GSG1L: variants seen among roughly 807,000 people sequenced by gnomAD.
GSG1L encodes GSG1 like.
Under a neutral mutation model 42.1 loss-of-function variants are expected in GSG1L, and 24 were observed. The ratio of observed to expected loss-of-function variants is 0.57; its 90% CI spans 0.41 to 0.80. The LOEUF is 0.80. GSG1L is among the 30% of genes least tolerant of loss of function. The pLI is 0.00. For synonymous variants in GSG1L, 215 were observed against 203.5 expected (o/e 1.06, Z -0.48); for missense variants, 445 against 472.2 (o/e 0.94, Z 0.53).
chr16:27,995,905 C>CACAG (rs1459153911), intron 1 of GSG1L, among the ~76,000 whole-genome samples: 2 of 151,836 alleles, frequency 1.3e-5, no homozygotes, highest in African/African-American at 4.8e-5. Context: ...CACACACACA[C>CACAG]ACACACACAC....
intron 1 of GSG1L, among the ~76,000 whole-genome samples, chr16:28,004,025 C>T (rs896075260): frequency 2.0e-5 from 3 of 152,352 alleles, no homozygotes; most frequent in African/African-American, 7.2e-5. Context: ...GTGAGTGTCA[C>T]GCACCAGCCA....
intron 3 of GSG1L, among the ~76,000 whole-genome samples, chr16:27,883,465 T>C (rs2141023448): frequency 1.3e-5 from 2 of 152,286 alleles, no homozygotes; most frequent in East Asian, 3.9e-4. Flanking sequence ...ATTGGCACAT[T>C]TTGATCTGTG....
chr16:28,063,543 A>C lies in GSG1L; in HGVS notation c.-119T>G. 13 of 440,452 alleles carry C rather than the reference A, an allele frequency of 3.0e-5. No individual in the cohort carries two copies. The highest frequency in any genetic ancestry group is 4.0e-5 in the Non-Finnish European group (13 of 325,120). 27.3% of individuals were successfully genotyped at this position (440,452 alleles called of 1,614,324 possible). A position where few individuals can be genotyped will look rare whatever the true frequency, so the allele number is the denominator to read the frequency against. ...GCGCCCCGGGGCTCGGGTGCCTGAG[A>C]TCGGCGGCGGCGGACGCGGCGCGGG... On this transcript the variant is annotated 5_prime_UTR_variant, in exon 1 of 7. Transcript: ENST00000447459. This position sits in a 1 kb window ranked among gnomAD's most constrained non-coding sequence, Gnocchi z 5.8.
Position 27,896,865 on chromosome 16 carries a change from GTTGCT to G in GSG1L, c.398-12232_398-12228del, listed in dbSNP as rs552272867. On this transcript the variant is annotated intron_variant, in intron 2 of 6. Transcript: ENST00000447459. ...CCGGCTGACACTTTGGTATTTTGTTGTTGCTTTGTTTTGTTTGAGACAGATTCTCG... is the reference window on the plus strand; with the variant it reads ...CCGGCTGACACTTTGGTATTTTGTTGTTGTTTTGTTTGAGACAGATTCTCG... Among the ~76,000 whole-genome samples the G allele has an allele frequency of 1.3e-3, 195 of 152,318 alleles. 1 individual carries two copies. Among genetic ancestry groups the G allele is most frequent in the African/African-American group, 4.4e-3 (184 of 41,576 alleles).
chr16:27,989,427 C>T (rs1041800682), intron 1 of GSG1L, among the ~76,000 whole-genome samples: 1 of 152,108 alleles, frequency 6.6e-6, no homozygotes, highest in Non-Finnish European at 1.5e-5. Flanking sequence ...GAGAGATATA[C>T]TAGGCTTATT....
At chr16:27,874,441 C>CTGTTTTTTT (rs2083860011) in intron 3 of GSG1L, among the ~76,000 whole-genome samples, 1 of 94,428 alleles carries the variant, frequency 1.1e-5, no homozygotes, top group African/African-American at 3.7e-5. Flanking sequence ...ACAGGAGAGC[C>CTGTTTTTTT]TTTTTTTTTT....
At chr16:27,985,681 TA>T (rs536967635) in intron 1 of GSG1L, among the ~76,000 whole-genome samples, 53 of 144,954 alleles carry the variant, frequency 3.7e-4, no homozygotes, top group Middle Eastern at 3.5e-3. Flanking sequence ...CCATCTCTAC[TA>T]AAAAAAAAAA....
intron 3 of GSG1L, among the ~76,000 whole-genome samples, chr16:27,882,439 G>A (rs1342032268): frequency 1.0e-5 from 1 of 98,808 alleles, no homozygotes; most frequent in Non-Finnish European, 2.4e-5. Flanking sequence ...TTGCCTATAT[G>A]GTAAAATCCA....
rs546231498 is a variant in GSG1L at position 28,055,001 on chromosome 16, T to C, written c.349+8075A>G. ...CCCCCGCAGGCCCCCTACTCCTTCC[T>C]CACGTCACTCTCGTAGGTTTCCAGG... On this transcript the variant is annotated intron_variant, in intron 1 of 6. Coordinates refer to ENST00000447459, the MANE Select transcript of GSG1L (RefSeq NM_001109763.2). Among the ~76,000 whole-genome samples, 5 of 152,214 alleles carry C rather than the reference T, an allele frequency of 3.3e-5. No individual in the cohort carries two copies. In the East Asian group the frequency reaches 9.7e-4, roughly 29 times the overall value.
intron 2 of GSG1L, among the ~76,000 whole-genome samples, chr16:27,903,557 C>T (rs1284189704): frequency 2.0e-5 from 3 of 152,332 alleles, no homozygotes; most frequent in African/African-American, 7.2e-5. Context: ...CGCCCACCTA[C>T]CTCCATCAAC....
intron 2 of GSG1L, among the ~76,000 whole-genome samples, chr16:27,959,709 G>C (rs1596654515): frequency 6.6e-6 from 1 of 152,110 alleles, no homozygotes; most frequent in African/African-American, 2.4e-5. Context: ...TTGAGCCCAA[G>C]AGTTCAAGGC....
intron 2 of GSG1L, among the ~76,000 whole-genome samples, chr16:27,931,628 T>C (rs1454603462): frequency 6.6e-6 from 1 of 152,198 alleles, no homozygotes; most frequent in Non-Finnish European, 1.5e-5. Context: ...TTCAACGTAA[T>C]CTACGCTGTG....
chr16:27,841,144 T>G (rs1254371043), intron 4 of GSG1L, among the ~76,000 whole-genome samples: 2 of 152,158 alleles, frequency 1.3e-5, no homozygotes, highest in African/African-American at 4.8e-5. Flanking sequence ...AGGCGGAAAT[T>G]CGGGCTGTCC....
intron 1 of GSG1L, among the ~76,000 whole-genome samples, chr16:27,965,545 T>C (rs78648164): frequency 0.016 from 2,437 of 152,278 alleles, 47 homozygotes; most frequent in African/African-American, 0.05. Context: ...CACACATTAA[T>C]GTCTATTTCC....
intron 1 of GSG1L, among the ~76,000 whole-genome samples, chr16:27,990,224 T>G (rs2085440007): frequency 6.6e-6 from 1 of 152,172 alleles, no homozygotes; most frequent in South Asian, 2.1e-4. Context: ...TCAAAGAAAT[T>G]TTTTTCTTTC....
intron 2 of GSG1L, among the ~76,000 whole-genome samples, chr16:27,927,221 C>T (rs2084604041): frequency 6.6e-6 from 1 of 152,132 alleles, no homozygotes; most frequent in Non-Finnish European, 1.5e-5. Flanking sequence ...GTGAACACAG[C>T]TCACTGCAGC....
intron 1 of GSG1L, among the ~76,000 whole-genome samples, chr16:28,056,508 T>C (rs1421069228): frequency 2.1e-5 from 3 of 145,268 alleles, no homozygotes; most frequent in Non-Finnish European, 4.6e-5. Flanking sequence ...TTAGGAGATA[T>C]GCCTAAGGTA....
intron 2 of GSG1L, among the ~76,000 whole-genome samples, chr16:27,957,295 C>G (rs1435411855): frequency 6.6e-6 from 1 of 152,146 alleles, no homozygotes; most frequent in Non-Finnish European, 1.5e-5. Flanking sequence ...TGCAGTAAGC[C>G]AAGATCACAC....
chr16:27,869,472 C>T (rs372953344), intron 3 of GSG1L, among the ~76,000 whole-genome samples: 3 of 150,564 alleles, frequency 2.0e-5, no homozygotes, highest in East Asian at 3.9e-4. Flanking sequence ...TCTCTGTCTC[C>T]CTCCATCTCT....
Sources: gnomAD v4.1 joint callset for allele counts (sites outside exome capture counted in the v4.1 genomes callset) on GRCh38, gnomAD v4.1.1 for gene constraint, Gnocchi (gnomAD v3.1) non-coding constraint, MANE v1.5 for transcripts, NCBI Gene and HGNC (gene_info 2026-07-23, HGNC 2026-07-21) for gene names.